GPR158: variants seen among roughly 807,000 people sequenced by gnomAD.
The protein encoded by GPR158 is metabotropic glycine receptor.
Under a neutral mutation model 78.2 loss-of-function variants are expected in GPR158, and 30 were observed. That is an observed-to-expected ratio of 0.38 (90% CI 0.29 to 0.52). The LOEUF (loss-of-function observed/expected upper bound fraction) is 0.52. Ranked by LOEUF, GPR158 falls within the 20% of genes least tolerant of loss-of-function variation. GPR158 has a pLI of 0.83. For missense variants in GPR158, 1,463 were observed against 1,523.5 expected (o/e 0.96, Z 0.66); for synonymous variants, 581 against 591.1 (o/e 0.98, Z 0.25).
intron 2 of GPR158, among the ~76,000 whole-genome samples, chr10:25,295,285 T>C (rs190049649): frequency 6.6e-6 from 1 of 152,346 alleles, no homozygotes; most frequent in African/African-American, 2.4e-5. Flanking sequence ...TCTTATGTGG[T>C]CTCCTAGCTG....
Position 25,599,432 on chromosome 10 carries a change from C to G in GPR158, c.*158C>G, listed in dbSNP as rs912519132. 2.3e-5 allele frequency: 14 copies of G among 606,816 alleles called. No homozygotes were observed. In the Admixed American group the frequency reaches 4.2e-4, roughly 18 times the overall value. The allele number at this position is 606,816 out of a possible 1,614,324, so 37.6% of individuals were successfully genotyped here. A position where few individuals can be genotyped will look rare whatever the true frequency, so the allele number is the denominator to read the frequency against. The stretch of plus-strand genomic sequence containing the variant: ...CATGGGTAGAAGAGGACCAGGGGGG[C>G]AAGAGCAACAACGTCATAATGGAGA... On this transcript the variant is annotated 3_prime_UTR_variant, in exon 11 of 11. Transcript: ENST00000376351.
intron 4 of GPR158, among the ~76,000 whole-genome samples, chr10:25,427,196 A>T (rs1370311404): frequency 6.6e-6 from 1 of 152,124 alleles, no homozygotes; most frequent in Non-Finnish European, 1.5e-5. Context: ...TTAACGATAT[A>T]GCAGTGGGTG....
chr10:25,408,785 C>G (rs150172001), intron 3 of GPR158, among the ~76,000 whole-genome samples: 1 of 152,048 alleles, frequency 6.6e-6, no homozygotes, highest in Non-Finnish European at 1.5e-5. Flanking sequence ...CTTTCTCTAC[C>G]CATTGCGATC....
chr10:25,597,674 T>G, intron 10 of GPR158, 98 bp from the exon 11 acceptor site: 4 of 936,890 alleles, frequency 4.3e-6, no homozygotes, highest in Non-Finnish European at 6.1e-6. Context: ...TGCCCCAAAT[T>G]AGAGCCCAAG....
chr10:25,522,194 C>T (rs1056707644), intron 5 of GPR158, among the ~76,000 whole-genome samples: 1 of 152,192 alleles, frequency 6.6e-6, no homozygotes, highest in Admixed American at 6.5e-5. Context: ...GTATTCTCAA[C>T]AGCACTTCTC....
intron 2 of GPR158, among the ~76,000 whole-genome samples, chr10:25,279,702 G>A (rs1310907058): frequency 6.6e-6 from 1 of 152,182 alleles, no homozygotes; most frequent in African/African-American, 2.4e-5. Context: ...GGAAAGGAGA[G>A]ATAAGGCTCA....
intron 4 of GPR158, among the ~76,000 whole-genome samples, chr10:25,430,930 A>G (rs1407265426): frequency 6.7e-6 from 1 of 149,978 alleles, no homozygotes; most frequent in Non-Finnish European, 1.5e-5. Flanking sequence ...CCTAGGCAAT[A>G]CCATTCAGGA....
intron 2 of GPR158, among the ~76,000 whole-genome samples, chr10:25,249,450 G>T (rs1853756929): frequency 6.6e-6 from 1 of 151,986 alleles, no homozygotes; most frequent in South Asian, 2.1e-4. Context: ...CTGTGGGTTT[G>T]TCATAGATAG....
At chr10:25,253,309 A>T (rs10828767) in intron 2 of GPR158, among the ~76,000 whole-genome samples, 29,311 of 142,606 alleles carry the variant, frequency 0.21, 4,469 homozygotes, top group African/African-American at 0.43. Flanking sequence ...AGACCGGAGC[A>T]GTTCCTATTC....
At chr10:25,515,239 G>C (rs1836147484) in intron 5 of GPR158, among the ~76,000 whole-genome samples, 2 of 151,932 alleles carry the variant, frequency 1.3e-5, no homozygotes, top group Admixed American at 6.6e-5. Flanking sequence ...CAAAAGCCTT[G>C]TCTTTGAGCT....
At chr10:25,410,151 C>T (rs538856508) in intron 3 of GPR158, among the ~76,000 whole-genome samples, 9 of 152,224 alleles carry the variant, frequency 5.9e-5, no homozygotes, top group South Asian at 2.1e-4. Context: ...TTATCCACTC[C>T]GAGAGATCTC....
chr10:25,235,197 G>T (rs1853503450), intron 2 of GPR158, among the ~76,000 whole-genome samples: 1 of 152,142 alleles, frequency 6.6e-6, no homozygotes, highest in Non-Finnish European at 1.5e-5. Flanking sequence ...TTACAAAAGT[G>T]CTTGGTAGTC....
At chr10:25,320,357 T>C (rs1854930187) in intron 2 of GPR158, among the ~76,000 whole-genome samples, 1 of 152,234 alleles carries the variant, frequency 6.6e-6, no homozygotes, top group South Asian at 2.1e-4. Flanking sequence ...ATCTTATTCA[T>C]TAAGGAGCCA....
intron 5 of GPR158, chr10:25,475,389 A>G (rs556902704): frequency 6.6e-6 from 1 of 152,284 alleles, no homozygotes; most frequent in Non-Finnish European, 1.5e-5. Context: ...TCTTTTTGTA[A>G]TGGCTCGAGA....
At chr10:25,346,228 T>TTA (rs1278142790) in intron 2 of GPR158, among the ~76,000 whole-genome samples, 1 of 147,456 alleles carries the variant, frequency 6.8e-6, no homozygotes, top group African/African-American at 2.5e-5. Context: ...GTGCTCTCAA[T>TTA]TATTTTGAAC....
chr10:25,423,554 G>C (rs1427355052), intron 4 of GPR158, among the ~76,000 whole-genome samples: 1 of 149,948 alleles, frequency 6.7e-6, no homozygotes, highest in Non-Finnish European at 1.5e-5. Flanking sequence ...ACCTATGACA[G>C]GCCCCAGTGT....
intron 1 of GPR158, among the ~76,000 whole-genome samples, chr10:25,209,119 C>T (rs926271623): frequency 3.3e-5 from 5 of 152,128 alleles, no homozygotes; most frequent in Non-Finnish European, 7.4e-5. Flanking sequence ...TCCCAAAGTG[C>T]TGGGATTACA....
At chr10:25,340,094 T>G (rs981299826) in intron 2 of GPR158, among the ~76,000 whole-genome samples, 9 of 152,048 alleles carry the variant, frequency 5.9e-5, no homozygotes, top group African/African-American at 2.2e-4. Context: ...GCCAGCCCTG[T>G]GTCTTCAAGG....
intron 1 of GPR158, among the ~76,000 whole-genome samples, chr10:25,218,153 C>CGA (rs1455168429): frequency 6.6e-6 from 1 of 152,050 alleles, no homozygotes; most frequent in East Asian, 1.9e-4. Context: ...CGCTTCCCCC[C>CGA]GACAGGAAGT....
Sources: gnomAD v4.1 joint callset for allele counts (sites outside exome capture counted in the v4.1 genomes callset) on GRCh38, gnomAD v4.1.1 for gene constraint, MANE v1.5 for transcripts, NCBI Gene and HGNC (gene_info 2026-07-23, HGNC 2026-07-21) for gene names.